Variants in MEI1 observed in about 807,000 individuals in gnomAD.
MEI1 encodes meiosis inhibitor protein 1.
In MEI1, 103 loss-of-function variants were observed where a neutral mutation model predicts 146.2. The ratio of observed to expected loss-of-function variants is 0.70; its 90% CI spans 0.60 to 0.83. The LOEUF is 0.83. MEI1 is among the 40% of genes least tolerant of loss of function. The pLI is 0.00. For synonymous variants in MEI1, 652 were observed against 628.2 expected, an observed-to-expected ratio of 1.04 and a Z score of -0.57; for missense variants, 1,529 against 1,533.0, an observed-to-expected ratio of 1.00 and a Z score of 0.04.
intron 3 of MEI1, among the ~76,000 whole-genome samples, chr22:41,712,065 TG>T (rs2069615239): frequency 6.7e-6 from 1 of 150,208 alleles, no homozygotes; most frequent in South Asian, 2.1e-4. Flanking sequence ...TAGCCAGGCG[TG>T]GGGGGCGGGT....
chr22:41,768,905 TGTTTTTCTCTA>T (rs2148029489), intron 19 of MEI1, among the ~76,000 whole-genome samples: 1 of 152,322 alleles, frequency 6.6e-6, no homozygotes, highest in South Asian at 2.1e-4. Context: ...AAAACATTAC[TGTTTTTCTCTA>T]GTTTTTTTCT....
intron 17 of MEI1, among the ~76,000 whole-genome samples, chr22:41,757,860 T>G (rs957184883): frequency 6.6e-6 from 1 of 151,896 alleles, no homozygotes; most frequent in Non-Finnish European, 1.5e-5. Context: ...AGAATGAATG[T>G]TTTTGGGAGG....
chr22:41,773,575 AAAAAAAG>A (rs1446238705), intron 20 of MEI1, among the ~76,000 whole-genome samples: 2 of 151,686 alleles, frequency 1.3e-5, no homozygotes, highest in African/African-American at 4.8e-5. Flanking sequence ...AAAAAAAAAA[AAAAAAAG>A]AACAGCAAGG....
chr22:41,758,864 T>G (rs2074270549), intron 18 of MEI1, among the ~76,000 whole-genome samples: 1 of 152,214 alleles, frequency 6.6e-6, no homozygotes, highest in Admixed American at 6.5e-5. Flanking sequence ...AAATCATGGC[T>G]GGGCATGGTG....
At chr22:41,764,151 G>A (rs549099922) in intron 19 of MEI1, among the ~76,000 whole-genome samples, 5 of 152,108 alleles carry the variant, frequency 3.3e-5, no homozygotes, top group East Asian at 1.9e-4. Flanking sequence ...TAGTAGAGAC[G>A]GGGTTTCATC....
chr22:41,797,015 T>A (rs2076386549), intron 30 of MEI1, among the ~76,000 whole-genome samples: 1 of 152,194 alleles, frequency 6.6e-6, no homozygotes, highest in Admixed American at 6.5e-5. Flanking sequence ...TTATTTTTTT[T>A]AAGACAGTGT....
chr22:41,754,158 G>A, intron 17 of MEI1, 112 bp downstream of exon 17: 1 of 766,600 alleles, frequency 1.3e-6, no homozygotes. Context: ...TTCTTTGCCT[G>A]AGGCTGCCCA....
chr22:41,750,955 G>C (rs2073705262), intron 15 of MEI1, among the ~76,000 whole-genome samples: 1 of 152,096 alleles, frequency 6.6e-6, no homozygotes. Context: ...TGGATGGGAG[G>C]CAAGTGTAGA....
At position 41,699,645 on chromosome 22, in the gene MEI1, T is replaced by C; in HGVS notation, c.107T>C (p.Leu36Pro). ...CATTACCGGCACGACCCGCGCTGGC[T>C]GCTGCCCGTGACCCCCCGCCTGTGC... ...RAHYRHDPRW[L>P]LPVTPRLCLA... The change falls in exon 1 of 31, where the codon CTG becomes CCG. Residue 36 changes from leucine (L) to proline (P), a missense_variant. Leu to Pro is a moderately conservative substitution (Grantham distance 98). Coordinates refer to ENST00000401548, the MANE Select transcript of MEI1 (RefSeq NM_152513.4). The C allele has an allele frequency of 6.3e-7, 1 of 1,597,990 alleles. No homozygotes were observed. Among genetic ancestry groups the C allele is most frequent in the African/African-American group, 1.3e-5 (1 of 74,888 alleles).
intron 3 of MEI1, among the ~76,000 whole-genome samples, chr22:41,710,623 A>C (rs2069466438): frequency 6.6e-6 from 1 of 152,168 alleles, no homozygotes; most frequent in African/African-American, 2.4e-5. Flanking sequence ...AGAGTATGGG[A>C]TAAGGGCAGT....
intron 3 of MEI1, among the ~76,000 whole-genome samples, chr22:41,711,398 C>A (rs1382023743): frequency 6.6e-6 from 1 of 152,178 alleles, no homozygotes; most frequent in Admixed American, 6.5e-5. Flanking sequence ...GTCTCGATTT[C>A]TTGACCTCAT....
At position 41,729,685 on chromosome 22, in the gene MEI1, A is replaced by C. The variant is rs995791498; in HGVS notation, c.885A>C (p.Glu295Asp). Reference sequence around the variant, plus strand: ...TCCAGCTTCTCCTCTCTAGAGATGAAACCCTGCAGGTGGCCAGTGCTCACT... The same window carrying C: ...TCCAGCTTCTCCTCTCTAGAGATGACACCCTGCAGGTGGCCAGTGCTCACT... ...VLKKLLLSRD[E>D]TLQVASAHCI... Residue 295 changes from glutamate (E) to aspartate (D), a missense_variant, in exon 8 of 31, where the codon GAA (glutamate) becomes GAC (aspartate). Coordinates refer to ENST00000401548, the MANE Select transcript of MEI1 (RefSeq NM_152513.4). The C allele has an allele frequency of 6.2e-7, 1 of 1,611,354 alleles. No homozygotes were observed. Among genetic ancestry groups the C allele is most frequent in the Non-Finnish European group, 8.5e-7 (1 of 1,178,826 alleles).
chr22:41,760,346 T>G (rs1335316872), intron 18 of MEI1, among the ~76,000 whole-genome samples: 2 of 140,326 alleles, frequency 1.4e-5, no homozygotes, highest in African/African-American at 5.4e-5. Context: ...AAAATAAAAA[T>G]GAAAATACAA....
chr22:41,716,282 A>C (rs1368846401), intron 5 of MEI1, 136 bp downstream of exon 5: 3 of 600,462 alleles, frequency 5.0e-6, no homozygotes, highest in Non-Finnish European at 8.9e-6. Context: ...CCCGTCTGCA[A>C]AATGTACTGT....
rs562400707 is a variant in MEI1, at chr22:41,732,445, C to T, written c.1197-24C>T. 60 of 1,613,436 alleles carry T rather than the reference C, an allele frequency of 3.7e-5. No individual in the cohort carries two copies. In the South Asian group the frequency reaches 5.8e-4, roughly 16 times the overall value. ...GGTCAGTGAGAAGAGTTCACCTACT[C>T]GTTTCTCATCTTCCATTTCTCAGGC... On this transcript the variant is annotated intron_variant, in intron 10 of 30. Coordinates refer to ENST00000401548, the MANE Select transcript of MEI1 (RefSeq NM_152513.4).
At chr22:41,743,591 A>G (rs933943105) in intron 12 of MEI1, among the ~76,000 whole-genome samples, 3 of 152,206 alleles carry the variant, frequency 2.0e-5, no homozygotes, top group Non-Finnish European at 2.9e-5. Context: ...AATCTGACCA[A>G]TGTGCCATGT....
At chr22:41,737,487 C>T (rs1315955881) in intron 11 of MEI1, among the ~76,000 whole-genome samples, 1 of 152,062 alleles carries the variant, frequency 6.6e-6, no homozygotes, top group Non-Finnish European at 1.5e-5. Flanking sequence ...GATCTGCCTG[C>T]CTCGGCCTTC....
At chr22:41,782,447 G>C (rs2075800134) in intron 24 of MEI1, among the ~76,000 whole-genome samples, 1 of 152,148 alleles carries the variant, frequency 6.6e-6, no homozygotes, top group African/African-American at 2.4e-5. Flanking sequence ...GAGAGCAGTG[G>C]ACTTATCCAC....
In MEI1 at chr22:41,748,092, C is replaced by T; in HGVS notation, c.1681-15C>T. On this transcript the variant is annotated splice_polypyrimidine_tract_variant and intron_variant, in intron 14 of 30. Transcript: ENST00000401548. ...AGTCCCCGTGGGCTGTGTTCTCTCT[C>T]CTGGTTCTTTGCAGAGACACTTGGA... The T allele has an allele frequency of 6.3e-7, 1 of 1,595,036 alleles. No individual in the cohort carries two copies. Among genetic ancestry groups the T allele is most frequent in the Non-Finnish European group, 8.6e-7 (1 of 1,162,948 alleles).
Sources: allele counts gnomAD v4.1 joint callset (sites outside exome capture counted in the v4.1 genomes callset), GRCh38; gene constraint gnomAD v4.1.1; transcripts MANE v1.5; gene names NCBI Gene and HGNC (gene_info 2026-07-23, HGNC 2026-07-21).